Variants in PSD3 observed in about 807,000 individuals in gnomAD.
PSD3 encodes PH and SEC7 domain-containing protein 3.
PSD3 carries 49 observed loss-of-function variants against 105.5 expected under a neutral mutation model. The observed-to-expected ratio is 0.46, with a 90% CI of 0.37 to 0.59. The LOEUF (loss-of-function observed/expected upper bound fraction) is 0.59, where lower values mean the gene tolerates loss of function less well. Among genes scored for constraint, PSD3 ranks in the 20% least tolerant of loss-of-function variants. The probability of loss-of-function intolerance (pLI) is 0.00; values close to 1 mark genes in which losing one functional copy is unlikely to be tolerated. For synonymous variants in PSD3, 557 were observed against 457.8 expected, an observed-to-expected ratio of 1.22 and a Z score of -2.77; for missense variants, 1,561 against 1,263.8, an observed-to-expected ratio of 1.24 and a Z score of -3.57.
At chr8:18,901,633 T>C (rs1238705155) in intron 2 of PSD3, among the ~76,000 whole-genome samples, 1 of 152,166 alleles carries the variant, frequency 6.6e-6, no homozygotes, top group Admixed American at 6.5e-5. Context: ...GTTTTATAAT[T>C]TTGCCTGTTT....
chr8:18,774,551 G>C, intron 8 of PSD3: 1 of 314,864 alleles, frequency 3.2e-6, no homozygotes, highest in South Asian at 3.0e-5. Flanking sequence ...CAATGTTCAT[G>C]CCTAGACCTC....
In PSD3 at chr8:18,555,088, G is replaced by A. The variant is rs574100969; in HGVS notation, c.2928+1121C>T. Among the ~76,000 whole-genome samples, 41 of 152,160 alleles carry A rather than the reference G, an allele frequency of 2.7e-4. 1 individual carries two copies. In the South Asian group the frequency reaches 6.4e-3, roughly 24 times the overall value. On this transcript the variant is annotated intron_variant, in intron 15 of 15. Coordinates refer to ENST00000327040, the MANE Select transcript of PSD3 (RefSeq NM_015310.4). The stretch of plus-strand genomic sequence containing the variant: ...CTGGGGGAGGGGAATCGGGGAAGCT[G>A]TAGGCAGCTGTCAAGCAGAGGAATG...
chr8:19,015,179 G>A (rs769678087), upstream of PSD3, among the ~76,000 whole-genome samples: 5 of 152,102 alleles, frequency 3.3e-5, no homozygotes, highest in Non-Finnish European at 5.9e-5. Context: ...TGAGTCTCAC[G>A]AGATCTGAAG....
At chr8:18,952,766 G>A (rs778094625) in intron 1 of PSD3, among the ~76,000 whole-genome samples, 1 of 152,200 alleles carries the variant, frequency 6.6e-6, no homozygotes, top group Admixed American at 6.5e-5. Context: ...TTATTCAGGA[G>A]AGCCCTTCGA....
intron 14 of PSD3, among the ~76,000 whole-genome samples, chr8:18,565,724 T>G (rs969353315): frequency 5.3e-5 from 8 of 151,986 alleles, no homozygotes; most frequent in African/African-American, 1.7e-4. Context: ...CAGAGCCAGG[T>G]TGTGGGAGTA....
chr8:18,569,391 T>C (rs112377617), intron 14 of PSD3, among the ~76,000 whole-genome samples: 11,550 of 148,928 alleles, frequency 0.078, 1,046 homozygotes, highest in African/African-American at 0.21. Flanking sequence ...TTTTTAATGA[T>C]TGCCATTCTA....
chr8:18,602,598 C>G (rs1353479501), intron 11 of PSD3, among the ~76,000 whole-genome samples: 2 of 152,102 alleles, frequency 1.3e-5, no homozygotes, highest in African/African-American at 4.8e-5. Context: ...TCTAAGTGCT[C>G]TGACACTTAT....
intron 9 of PSD3, among the ~76,000 whole-genome samples, chr8:18,667,715 G>A (rs1563157114): frequency 6.6e-6 from 1 of 152,238 alleles, no homozygotes; most frequent in Non-Finnish European, 1.5e-5. Flanking sequence ...GGGACCAGGC[G>A]CTGCGGAGCA....
chr8:19,083,378 G>C (rs1829703650), intron 1 of PSD3, among the ~76,000 whole-genome samples: 1 of 152,202 alleles, frequency 6.6e-6, no homozygotes, highest in African/African-American at 2.4e-5. Flanking sequence ...CGGAGTGTGA[G>C]ATGCTAACAA....
intron 9 of PSD3, among the ~76,000 whole-genome samples, chr8:18,764,186 A>G (rs1261817498): frequency 6.6e-6 from 1 of 152,194 alleles, no homozygotes; most frequent in African/African-American, 2.4e-5. Context: ...TTCTGACATA[A>G]GTTGATAAAA....
chr8:18,982,651 G>A lies in PSD3; in HGVS notation c.21+30912C>T, dbSNP rs74960798. On this transcript the variant is annotated intron_variant, in intron 1 of 15. Coordinates refer to ENST00000327040, the MANE Select transcript of PSD3 (RefSeq NM_015310.4). ...CATCTCCTTGTAGATTTACATAAGCGCTCTTGGGTGACTAGGTGCATGGCT... is the reference window on the plus strand; with the variant it reads ...CATCTCCTTGTAGATTTACATAAGCACTCTTGGGTGACTAGGTGCATGGCT... 8.4e-3 allele frequency among the ~76,000 whole-genome samples: 1,274 copies of A among 152,250 alleles called. 24 individuals are homozygous for A. The highest frequency in any genetic ancestry group is 0.029 in the African/African-American group (1,218 of 41,526).
At chr8:18,763,163 A>C in intron 9 of PSD3, 2 of 411,548 alleles carry the variant, frequency 4.9e-6, no homozygotes, top group Non-Finnish European at 9.8e-6. Context: ...CTTTTGAACC[A>C]AATTAATCTA....
intron 1 of PSD3, among the ~76,000 whole-genome samples, chr8:18,964,826 CAT>C (rs1444924707): frequency 1.3e-5 from 2 of 152,172 alleles, no homozygotes; most frequent in African/African-American, 4.8e-5. Context: ...AACAAGGTGG[CAT>C]AGATTTGTTC....
chr8:19,061,393 A>G (rs1429554267), intron 1 of PSD3, among the ~76,000 whole-genome samples: 1 of 152,236 alleles, frequency 6.6e-6, no homozygotes, highest in African/African-American at 2.4e-5. Context: ...GCTATTATTA[A>G]CAAAATGACT....
In PSD3 at chr8:18,799,227, T is replaced by C. The variant is rs374134821; in HGVS notation, c.2082+68A>G. The C allele has an allele frequency of 2.7e-3, 3,579 of 1,347,074 alleles. 20 individuals are homozygous for C. The highest frequency in any genetic ancestry group is 1.0e-2 in the Middle Eastern group (55 of 5,508). 83.4% of individuals were successfully genotyped at this position (1,347,074 alleles called of 1,614,324 possible). On this transcript the variant is annotated intron_variant, in intron 8 of 15. Transcript: ENST00000327040. ...GAAACGGGGAGGCAGAAAATAAATGTGTTTGAACATAAAAGCAGAGATAAG... is the reference window on the plus strand; with the variant it reads ...GAAACGGGGAGGCAGAAAATAAATGCGTTTGAACATAAAAGCAGAGATAAG...
chr8:18,981,801 T>G (rs1227594946), intron 1 of PSD3, among the ~76,000 whole-genome samples: 5 of 152,224 alleles, frequency 3.3e-5, no homozygotes, highest in Non-Finnish European at 5.9e-5. Context: ...AAAAAAATAC[T>G]GACAATCATC....
At chr8:18,964,759 T>A (rs1896199) in intron 1 of PSD3, among the ~76,000 whole-genome samples, 61,981 of 151,918 alleles carry the variant, frequency 0.41, 12,891 homozygotes, top group African/African-American at 0.43. Flanking sequence ...AGTGGCCTCC[T>A]TTTTACATCC....
chr8:18,690,783 C>T (rs1031229393), intron 9 of PSD3, among the ~76,000 whole-genome samples: 2 of 152,212 alleles, frequency 1.3e-5, no homozygotes, highest in Non-Finnish European at 2.9e-5. Context: ...ACCCTTCGAC[C>T]CCAGCCTGCT....
chr8:18,853,894 T>G (rs1221398030), intron 4 of PSD3, among the ~76,000 whole-genome samples: 1 of 152,202 alleles, frequency 6.6e-6, no homozygotes, highest in Admixed American at 6.5e-5. Context: ...TTGTAGACCC[T>G]GTAATAAATA....
Sources: allele counts gnomAD v4.1 joint callset (sites outside exome capture counted in the v4.1 genomes callset), GRCh38; gene constraint gnomAD v4.1.1; transcripts MANE v1.5; gene names NCBI Gene and HGNC (gene_info 2026-07-23, HGNC 2026-07-21).